The following MYH7 variants were observed in gnomAD, a reference collection of about 807,000 sequenced individuals.
MYH7 encodes the protein myosin heavy chain 7.
Under a neutral mutation model 225.4 loss-of-function variants are expected in MYH7, and 129 were observed. That is an observed-to-expected ratio of 0.57 (90% CI 0.50 to 0.66). The LOEUF (loss-of-function observed/expected upper bound fraction) is 0.66, where lower values mean the gene tolerates loss of function less well. MYH7 is among the 30% of genes least tolerant of loss of function. MYH7 has a pLI of 0.00. For missense variants in MYH7, 1,649 were observed against 2,517.0 expected (o/e 0.66, Z 7.38); for synonymous variants, 971 against 1,007.6 (o/e 0.96, Z 0.69).
At chr14:23,422,440 C>T (rs1892512297) in intron 24 of MYH7, 115 bp from the exon 25 acceptor site, 2 of 1,450,180 alleles carry the variant, frequency 1.4e-6, no homozygotes, top group Admixed American at 1.9e-5. Flanking sequence ...GGGAAACCTT[C>T]CCCAGAGTGG....
chr14:23,419,233 G>T lies in MYH7; in HGVS notation c.3916C>A (p.Leu1306Ile). ...TCCTCCAGCTGCTGGGTGTAGGTGA[G>T]CTTGCCTCGGGTCAGCTGGGAGATC... Reference protein sequence around the residue: ...ALISQLTRGKLTYTQQLEDLK... With the variant: ...ALISQLTRGKITYTQQLEDLK... The change falls in exon 29 of 40, where the codon CTC becomes ATC. Residue 1306 changes from leucine (L) to isoleucine (I), a missense_variant. Leu to Ile is a conservative substitution (Grantham distance 5). Around this residue, in one of 12 missense-constraint regions of MYH7, gnomAD observed 687 missense variants for 913.8 expected, o/e 0.75. Coordinates refer to ENST00000355349, the MANE Select transcript of MYH7 (RefSeq NM_000257.4). The T allele has an allele frequency of 1.2e-6, 2 of 1,614,188 alleles. No homozygotes were observed. Among genetic ancestry groups the T allele is most frequent in the Non-Finnish European group, 1.7e-6 (2 of 1,180,044 alleles).
In MYH7 at chr14:23,431,608, G is replaced by A. The variant is rs45516091; in HGVS notation, c.709C>T (p.Arg237Trp). The change falls in exon 8 of 40, where the codon CGG (arginine) becomes TGG (tryptophan). Residue 237 changes from arginine to tryptophan, a missense_variant. Arg to Trp is a moderately radical substitution (Grantham distance 101). Transcript: ENST00000355349. ...ACGAAGCGGGAGGAGTTGTCGTTCC[G>A]GACGGTCTTGGCATTGCCAAAGGCC... ...LEAFGNAKTV[R>W]NDNSSRFGKF... is the part of the protein sequence containing the mutation. 1.9e-6 allele frequency: 3 copies of A among 1,614,118 alleles called. No homozygotes were observed. The Admixed American group carries it at 5.0e-5, about 27-fold the overall frequency.
chr14:23,422,154 A>G, intron 25 of MYH7, 26 bp downstream of exon 25: 1 of 1,612,058 alleles, frequency 6.2e-7, no homozygotes. Context: ...GGGAGGAGGA[A>G]GGGCAGCAGG....
In MYH7 at chr14:23,415,336, G is replaced by C. The variant is rs369429415; in HGVS notation, c.5283+45C>G. Reference sequence around the variant, plus strand: ...CTCACACACTTGCTGCCCAGCCCACGGAGAGACACTGGTCTGGATCGGGTC... The same window carrying C: ...CTCACACACTTGCTGCCCAGCCCACCGAGAGACACTGGTCTGGATCGGGTC... On this transcript the variant is annotated intron_variant, in intron 36 of 39. Coordinates refer to ENST00000355349, the MANE Select transcript of MYH7 (RefSeq NM_000257.4). The surrounding 1 kb of genome is among the most constrained non-coding windows in gnomAD (Gnocchi z 6.3). 1 of 1,614,114 alleles carries C rather than the reference G, an allele frequency of 6.2e-7. No homozygotes were observed. Among genetic ancestry groups the C allele is most frequent in the African/African-American group, 1.3e-5 (1 of 74,950 alleles).
chr14:23,418,041 G>C (rs773882938), intron 30 of MYH7, 169 bp downstream of exon 30: 4 of 1,085,064 alleles, frequency 3.7e-6, no homozygotes, highest in Non-Finnish European at 5.7e-6. Flanking sequence ...AACATAATTC[G>C]AGCAAAAAGC....
chr14:23,433,339 A>G lies in MYH7; in HGVS notation c.202-112T>C. ...AATAGTGCTCAAGAGAGAAGGAACC[A>G]GGATCTCACAGGGAAGACAGAAGGG... On this transcript the variant is annotated intron_variant, in intron 3 of 39. Transcript: ENST00000355349. This position sits in a 1 kb window ranked among gnomAD's most constrained non-coding sequence, Gnocchi z 4.1. 1 of 1,518,382 alleles carries G rather than the reference A, an allele frequency of 6.6e-7. No individual in the cohort carries two copies. The allele number at this position is 1,518,382 out of a possible 1,614,324, so 94.1% of individuals were successfully genotyped here.
Position 23,433,764 on chromosome 14 carries a change from C to T in MYH7, c.-8-24G>A, listed in dbSNP as rs1433003176. On this transcript the variant is annotated intron_variant, in intron 2 of 39. Transcript: ENST00000355349. The surrounding 1 kb of genome is among the most constrained non-coding windows in gnomAD (Gnocchi z 4.1). ...GCCTGGAGTGAGCAGAAGCTGGCTGCCCTCCCATCTGCCCATTCTTCCCTT... is the reference window on the plus strand; with the variant it reads ...GCCTGGAGTGAGCAGAAGCTGGCTGTCCTCCCATCTGCCCATTCTTCCCTT... 2 of 1,610,420 alleles carry T rather than the reference C, an allele frequency of 1.2e-6. No homozygotes were observed. The highest frequency in any genetic ancestry group is 8.5e-7 in the Non-Finnish European group (1 of 1,178,116).
Position 23,425,065 on chromosome 14 carries a change from C to G in MYH7, c.2424-41G>C. On this transcript the variant is annotated intron_variant, in intron 21 of 39. Coordinates refer to ENST00000355349, the MANE Select transcript of MYH7 (RefSeq NM_000257.4). This position sits in a 1 kb window ranked among gnomAD's most constrained non-coding sequence, Gnocchi z 4.6. ...GAAAGGAGTGCTGAGCCTCCTGCCT[C>G]CTTCCTACCTGAGGTCCTGAAACCT... 6.2e-7 allele frequency: 1 copy of G among 1,613,992 alleles called. No homozygotes were observed. Among genetic ancestry groups the G allele is most frequent in the Non-Finnish European group, 8.5e-7 (1 of 1,180,014 alleles).
intron 39 of MYH7, 116 bp from the exon 40 acceptor site, chr14:23,412,987 G>T (rs1365010371): frequency 3.9e-6 from 4 of 1,025,800 alleles, no homozygotes; most frequent in Non-Finnish European, 6.0e-6. Flanking sequence ...TTGTGGGCAG[G>T]TGGAAGCCCC....
At chr14:23,431,520 G>T in intron 8 of MYH7, 39 bp from the exon 9 acceptor site, 1 of 1,613,374 alleles carries the variant, frequency 6.2e-7, no homozygotes, top group Non-Finnish European at 8.5e-7. Flanking sequence ...GTTGGGGGAA[G>T]GCTCATATCT....
intron 30 of MYH7, 186 bp downstream of exon 30, chr14:23,418,024 G>T: frequency 1.0e-6 from 1 of 1,003,088 alleles, no homozygotes; most frequent in Non-Finnish European, 1.6e-6. Flanking sequence ...CTTATATTCG[G>T]ATCAGAAACA....
chr14:23,434,127 G>T, intron 2 of MYH7, 67 bp downstream of exon 2: 2 of 967,004 alleles, frequency 2.1e-6, no homozygotes, highest in South Asian at 2.6e-5. Flanking sequence ...AGTTCCATAG[G>T]CTGGCTTTGG....
intron 17 of MYH7, 149 bp downstream of exon 17, chr14:23,427,091 G>A (rs1181844503): frequency 9.4e-6 from 8 of 854,188 alleles, no homozygotes; most frequent in East Asian, 2.5e-5. Flanking sequence ...AGGAGATGAC[G>A]GGAAGAGAAG....
At chr14:23,435,040 C>T (rs1179796094) in intron 1 of MYH7, among the ~76,000 whole-genome samples, 1 of 152,140 alleles carries the variant, frequency 6.6e-6, no homozygotes, top group Non-Finnish European at 1.5e-5. Flanking sequence ...TTCTTCAGTA[C>T]ACAAAGACCT....
chr14:23,427,167 G>A (rs1892724318), intron 17 of MYH7, 73 bp downstream of exon 17: 2 of 1,468,474 alleles, frequency 1.4e-6, no homozygotes, highest in African/African-American at 1.4e-5. Flanking sequence ...GGATGAACAA[G>A]GCAGGGAAGG....
chr14:23,426,735 G>A (rs1892708453), intron 18 of MYH7, 42 bp downstream of exon 18: 1 of 1,561,940 alleles, frequency 6.4e-7, no homozygotes, highest in Non-Finnish European at 8.8e-7. Context: ...TCCCAGGGCG[G>A]TGTATGCCCA....
In MYH7 at chr14:23,424,876, G is replaced by C. The variant is rs2754158; in HGVS notation, c.2572C>G (p.Arg858Gly). 4 of 1,614,198 alleles carry C rather than the reference G, an allele frequency of 2.5e-6. No homozygotes were observed. The highest frequency in any genetic ancestry group is 3.4e-6 in the Non-Finnish European group (4 of 1,180,038). The change falls in exon 22 of 40, where the codon CGC becomes GGC. Residue 858 changes from arginine (R) to glycine (G), a missense_variant. By Grantham distance (125) the Arg-to-Gly change is moderately radical (BLOSUM62 -2). Transcript: ENST00000355349. ...EMASMKEEFT[R>G]LKEALEKSEA... ...GACTTCTCTAGCGCCTCTTTGAGGC[G>C]TGTGAACTCCTCCTTCATGGAGGCC...
Position 23,413,850 on chromosome 14 carries a change from T to A in MYH7, c.5699A>T (p.Gln1900Leu), listed in dbSNP as rs763606475. 6.2e-7 allele frequency: 1 copy of A among 1,614,266 alleles called. No individual in the cohort carries two copies. The highest frequency in any genetic ancestry group is 1.7e-5 in the Admixed American group (1 of 60,034). Reference sequence around the variant, plus strand: ...CTCCTCTGCCTCATCCAGCTCGTGCTGCACCTTGCGGAACTTGGACAGGTT... The same window carrying A: ...CTCCTCTGCCTCATCCAGCTCGTGCAGCACCTTGCGGAACTTGGACAGGTT... The part of the protein sequence containing the change: ...NTNLSKFRKV[Q>L]HELDEAEERA... Residue 1900 changes from glutamine (Q) to leucine (L), a missense_variant, in exon 39 of 40, where the codon CAG (glutamine) becomes CTG (leucine). This residue lies in a region of MYH7 where 687 missense variants were observed against 913.8 expected (regional missense o/e 0.75). Transcript: ENST00000355349.
chr14:23,431,343 G>C, intron 9 of MYH7, 75 bp downstream of exon 9: 1 of 1,428,172 alleles, frequency 7.0e-7, no homozygotes, highest in Non-Finnish European at 9.9e-7. Flanking sequence ...GGAGGGGAGA[G>C]AGAGAGAGGT....
Sources: allele counts gnomAD v4.1 joint callset (sites outside exome capture counted in the v4.1 genomes callset), GRCh38; gene constraint gnomAD v4.1.1; regional missense constraint gnomAD v4.1.1; non-coding constraint Gnocchi (gnomAD v3.1); transcripts MANE v1.5; gene names NCBI Gene and HGNC (gene_info 2026-07-23, HGNC 2026-07-21).